Variants in AP4S1 observed in about 807,000 individuals in gnomAD.
The protein encoded by AP4S1 is AP-4 complex subunit sigma-1.
AP4S1 carries 23 observed loss-of-function variants against 19.8 expected under a neutral mutation model. The observed-to-expected ratio is 1.16, with a 90% confidence interval of 0.84 to 1.65. AP4S1 has a LOEUF of 1.65. AP4S1 is among the 40% of genes most tolerant of loss of function. The pLI is 0.00. For synonymous variants in AP4S1, 46 were observed against 54.1 expected, an observed-to-expected ratio of 0.85 and a Z score of 0.66; for missense variants, 166 against 172.8, an observed-to-expected ratio of 0.96 and a Z score of 0.22.
chr14:31,065,248 T>C (rs934801695), intron 1 of AP4S1, among the ~76,000 whole-genome samples: 3 of 152,180 alleles, frequency 2.0e-5, no homozygotes, highest in Non-Finnish European at 4.4e-5. Context: ...CAGTGAACTT[T>C]CCAGAGCTTT....
At chr14:31,035,790 T>C (rs146079119) in intron 1 of AP4S1, among the ~76,000 whole-genome samples, 2,829 of 151,808 alleles carry the variant, frequency 0.019, 84 homozygotes, top group African/African-American at 0.065. Context: ...AGTGCAGTGG[T>C]GCGATCTCGA....
At chr14:31,075,769 C>T (rs778587632) in intron 4 of AP4S1, among the ~76,000 whole-genome samples, 28 of 139,136 alleles carry the variant, frequency 2.0e-4, no homozygotes, top group South Asian at 1.3e-3. Flanking sequence ...GACGGAGTGT[C>T]GCTGTTGTTG....
At position 31,026,056 on chromosome 14, in the gene AP4S1, G is replaced by A. The variant is rs922001430; in HGVS notation, c.-72+269G>A. On this transcript the variant is annotated intron_variant, in intron 1 of 5. Coordinates refer to ENST00000542754, the MANE Select transcript of AP4S1 (RefSeq NM_001128126.3). The stretch of plus-strand genomic sequence containing the variant: ...GCGGGACCCGCTCCCTCGGAGGCCG[G>A]AGGACCCCCGCCGCCCGCCGCTCCG... 23 of 1,523,944 alleles carry A rather than the reference G, an allele frequency of 1.5e-5. No homozygotes were observed. Among genetic ancestry groups the A allele is most frequent in the East Asian group, 5.1e-5 (2 of 38,978 alleles). The allele number at this position is 1,523,944 out of a possible 1,614,324, so 94.4% of individuals were successfully genotyped here.
intron 5 of AP4S1, among the ~76,000 whole-genome samples, chr14:31,088,094 T>C (rs1243623662): frequency 6.6e-6 from 1 of 152,038 alleles, no homozygotes; most frequent in Non-Finnish European, 1.5e-5. Context: ...GAGTCTTGGA[T>C]AGGAACAGTC....
At chr14:31,091,833 A>G (rs1333616321) in intron 5 of AP4S1, among the ~76,000 whole-genome samples, 1 of 152,238 alleles carries the variant, frequency 6.6e-6, no homozygotes, top group African/African-American at 2.4e-5. Flanking sequence ...TTTATTTGAA[A>G]CAATCTGTCA....
At chr14:31,042,690 T>G (rs1885176034) in intron 1 of AP4S1, among the ~76,000 whole-genome samples, 1 of 152,220 alleles carries the variant, frequency 6.6e-6, no homozygotes, top group African/African-American at 2.4e-5. Flanking sequence ...TTAGTTCAAC[T>G]CCCTAATTTA....
intron 1 of AP4S1, chr14:31,026,999 T>G (rs753901960): frequency 1.3e-5 from 2 of 152,270 alleles, no homozygotes; most frequent in Non-Finnish European, 2.9e-5. Flanking sequence ...TACTGATTCC[T>G]CGTCTCTGTC....
intron 1 of AP4S1, among the ~76,000 whole-genome samples, chr14:31,042,956 G>A (rs966956990): frequency 6.6e-6 from 1 of 152,098 alleles, no homozygotes; most frequent in African/African-American, 2.4e-5. Context: ...GCTCATGCCT[G>A]TAACCTGTAA....
intron 3 of AP4S1, among the ~76,000 whole-genome samples, chr14:31,071,344 G>A (rs1886987320): frequency 6.6e-6 from 1 of 152,106 alleles, no homozygotes; most frequent in African/African-American, 2.4e-5. Context: ...GGTAAAGTCA[G>A]GAAATAGATC....
At chr14:31,029,305 C>T (rs1884243464) in intron 1 of AP4S1, among the ~76,000 whole-genome samples, 1 of 152,336 alleles carries the variant, frequency 6.6e-6, no homozygotes, top group Middle Eastern at 3.4e-3. Context: ...CTCTGTTTAA[C>T]ATAGTTTAGT....
At chr14:31,081,030 G>A (rs1053549789) in intron 5 of AP4S1, among the ~76,000 whole-genome samples, 2 of 152,134 alleles carry the variant, frequency 1.3e-5, no homozygotes, top group Non-Finnish European at 1.5e-5. Flanking sequence ...GGCCTCAGGT[G>A]ATCCACCCAC....
intron 2 of AP4S1, among the ~76,000 whole-genome samples, chr14:31,068,853 A>C (rs1391235037): frequency 6.6e-6 from 1 of 152,126 alleles, no homozygotes. Flanking sequence ...AGCTTTGAAA[A>C]ATGTTCCTCA....
intron 3 of AP4S1, among the ~76,000 whole-genome samples, chr14:31,071,079 G>A (rs1886973968): frequency 6.6e-6 from 1 of 151,922 alleles, no homozygotes; most frequent in Non-Finnish European, 1.5e-5. Context: ...TATATCAAAA[G>A]CCAGAGAAAA....
chr14:31,062,664 C>T (rs1393376401), intron 1 of AP4S1, among the ~76,000 whole-genome samples: 2 of 152,132 alleles, frequency 1.3e-5, no homozygotes, highest in African/African-American at 2.4e-5. Context: ...TGATAGCACA[C>T]AGTAATAGTT....
intron 1 of AP4S1, chr14:31,033,082 C>T (rs1386926242): frequency 6.6e-6 from 1 of 152,170 alleles, no homozygotes; most frequent in South Asian, 2.1e-4. Context: ...AAAGTCTCCC[C>T]GCACAGTTCT....
At chr14:31,066,070 A>T in intron 1 of AP4S1, 56 bp from the exon 2 acceptor site, 1 of 822,446 alleles carries the variant, frequency 1.2e-6, no homozygotes, top group Non-Finnish European at 2.0e-6. Context: ...CATTTAATAT[A>T]ATTATTTGAG....
rs1246841522 is a variant in AP4S1 at position 31,025,735 on chromosome 14, G to T, written c.-124G>T. ...AGCAAGCTTATGCGGGAAAGAGGGA[G>T]GGGGACTCCAGGAAAAGCCGTTGAG... On this transcript the variant is annotated 5_prime_UTR_variant, in exon 1 of 6. In the 5' UTR this introduces an upstream ATG that the reference lacks. Transcript: ENST00000542754. 4.4e-6 allele frequency: 4 copies of T among 899,492 alleles called. No individual in the cohort carries two copies. Among genetic ancestry groups the T allele is most frequent in the Non-Finnish European group, 4.9e-6 (3 of 613,668 alleles). 55.7% of individuals were successfully genotyped at this position (899,492 alleles called of 1,614,324 possible).
chr14:31,050,932 T>A (rs150716400), intron 1 of AP4S1, among the ~76,000 whole-genome samples: 217 of 152,190 alleles, frequency 1.4e-3, no homozygotes, highest in African/African-American at 5.1e-3. Context: ...CTGGTGAGAA[T>A]GTCTCTCAAA....
intron 2 of AP4S1, among the ~76,000 whole-genome samples, chr14:31,067,518 T>C (rs1345618237): frequency 7.2e-6 from 1 of 138,840 alleles, no homozygotes; most frequent in East Asian, 2.2e-4. Flanking sequence ...TGAGAACAAT[T>C]TTTTTTTTTT....
Sources: gnomAD v4.1 joint callset for allele counts (sites outside exome capture counted in the v4.1 genomes callset) on GRCh38, gnomAD v4.1.1 for gene constraint, MANE v1.5 for transcripts, NCBI Gene and HGNC (gene_info 2026-07-23, HGNC 2026-07-21) for gene names.